FCHSD2: variants seen among roughly 807,000 people sequenced by gnomAD.
FCHSD2 encodes the protein FCH and double SH3 domains 2.
A neutral mutation model predicts 108.1 loss-of-function variants in FCHSD2; 38 were observed. The observed-to-expected ratio is 0.35, with a 90% CI of 0.27 to 0.46. FCHSD2 has a LOEUF of 0.46. Ranked by LOEUF, FCHSD2 falls within the 20% of genes least tolerant of loss-of-function variation. The pLI is 1.00. For missense variants in FCHSD2, 751 were observed against 897.8 expected (o/e 0.84, Z 2.09); for synonymous variants, 279 against 314.7 (o/e 0.89, Z 1.20).
Position 73,107,296 on chromosome 11 carries a change from G to A in FCHSD2, c.120-23556C>T, listed in dbSNP as rs529601805. On this transcript the variant is annotated intron_variant, in intron 2 of 19. Transcript: ENST00000409418. ...TCGATCTGACCTTGTGATCTGCCCA[G>A]CTCGGCCTCCCAAAGTGCTGAGATT... Among the ~76,000 whole-genome samples, 8 of 152,190 alleles carry A rather than the reference G, an allele frequency of 5.3e-5. No individual in the cohort carries two copies. The East Asian group carries it at 1.3e-3, about 26-fold the overall frequency.
At chr11:72,916,503 T>G (rs1335234021) in intron 9 of FCHSD2, among the ~76,000 whole-genome samples, 1 of 152,122 alleles carries the variant, frequency 6.6e-6, no homozygotes, top group East Asian at 1.9e-4. Flanking sequence ...TTTGTAGAGA[T>G]AGGGTCTTGC....
At chr11:73,015,368 A>T (rs1404003441) in intron 4 of FCHSD2, among the ~76,000 whole-genome samples, 1 of 152,202 alleles carries the variant, frequency 6.6e-6, no homozygotes, top group Non-Finnish European at 1.5e-5. Flanking sequence ...TACATTAGAA[A>T]GTTTCCCCCC....
At chr11:73,061,456 G>A (rs1378551023) in intron 3 of FCHSD2, among the ~76,000 whole-genome samples, 1 of 152,190 alleles carries the variant, frequency 6.6e-6, no homozygotes, top group Non-Finnish European at 1.5e-5. Context: ...CAGTGAGACA[G>A]AACGATTCAC....
chr11:72,845,437 CAAAA>C (rs755929012), intron 14 of FCHSD2, among the ~76,000 whole-genome samples: 4 of 81,984 alleles, frequency 4.9e-5, no homozygotes, highest in Admixed American at 4.0e-4. Flanking sequence ...GACCCTGTCT[CAAAA>C]AAAAAAAAAA....
chr11:72,849,672 G>T, intron 14 of FCHSD2, 83 bp downstream of exon 14: 3 of 1,089,908 alleles, frequency 2.8e-6, no homozygotes, highest in Non-Finnish European at 4.1e-6. Flanking sequence ...GCTAAGTACA[G>T]CTTGAGAGAC....
chr11:73,028,650 A>C (rs1475988824), intron 3 of FCHSD2, among the ~76,000 whole-genome samples: 1 of 152,164 alleles, frequency 6.6e-6, no homozygotes, highest in Non-Finnish European at 1.5e-5. Context: ...TGGGTGGGCC[A>C]GGGGTGGAAT....
intron 5 of FCHSD2, among the ~76,000 whole-genome samples, chr11:72,997,846 A>G (rs552160511): frequency 4.6e-5 from 7 of 152,278 alleles, no homozygotes; most frequent in African/African-American, 1.7e-4. Context: ...GACTGCAGGC[A>G]TGAACCACCA....
intron 8 of FCHSD2, among the ~76,000 whole-genome samples, chr11:72,947,169 T>C (rs1471509526): frequency 2.0e-5 from 3 of 152,218 alleles, no homozygotes; most frequent in Non-Finnish European, 2.9e-5. Flanking sequence ...CATTTTCCAA[T>C]ATATCTTATT....
At chr11:73,003,968 G>C (rs994850788) in intron 4 of FCHSD2, among the ~76,000 whole-genome samples, 1 of 151,200 alleles carries the variant, frequency 6.6e-6, no homozygotes, top group African/African-American at 2.4e-5. Context: ...TTAGCCAGGC[G>C]TTGTGGCTGG....
At chr11:72,957,911 T>A (rs1023945628) in intron 8 of FCHSD2, among the ~76,000 whole-genome samples, 1 of 152,140 alleles carries the variant, frequency 6.6e-6, no homozygotes, top group African/African-American at 2.4e-5. Flanking sequence ...TTCTTGCAAT[T>A]TTTCTACAAG....
chr11:73,076,014 G>A (rs1164994456), intron 3 of FCHSD2, among the ~76,000 whole-genome samples: 1 of 152,024 alleles, frequency 6.6e-6, no homozygotes, highest in Admixed American at 6.6e-5. Context: ...AGCTACTTGG[G>A]AGTCTGACAT....
intron 2 of FCHSD2, among the ~76,000 whole-genome samples, chr11:73,107,613 C>A (rs1860377006): frequency 1.3e-5 from 2 of 152,216 alleles, no homozygotes; most frequent in African/African-American, 4.8e-5. Flanking sequence ...CCTTCCCAGC[C>A]TCCAGTAAAC....
chr11:73,006,313 T>C (rs970148504), intron 4 of FCHSD2, among the ~76,000 whole-genome samples: 1 of 152,134 alleles, frequency 6.6e-6, no homozygotes. Flanking sequence ...ACCTAACATG[T>C]ACAAAACTAA....
At chr11:72,839,981 G>A (rs1428865614) in intron 19 of FCHSD2, among the ~76,000 whole-genome samples, 2 of 152,198 alleles carry the variant, frequency 1.3e-5, no homozygotes, top group African/African-American at 4.8e-5. Context: ...CAGAGAGGAA[G>A]AAAGCAAACG....
chr11:72,924,342 A>T (rs1233368478), intron 8 of FCHSD2, among the ~76,000 whole-genome samples: 1 of 151,636 alleles, frequency 6.6e-6, no homozygotes, highest in Non-Finnish European at 1.5e-5. Context: ...CAGTGGCATG[A>T]TCTCGGCTCA....
chr11:72,876,305 C>T (rs117395638), intron 12 of FCHSD2, among the ~76,000 whole-genome samples: 418 of 152,234 alleles, frequency 2.7e-3, no homozygotes, highest in Non-Finnish European at 2.9e-3. Context: ...GCCTGCGAGA[C>T]AGAGTGAGAT....
intron 8 of FCHSD2, among the ~76,000 whole-genome samples, chr11:72,982,840 A>C (rs1016850304): frequency 2.0e-5 from 3 of 152,188 alleles, no homozygotes; most frequent in African/African-American, 7.2e-5. Flanking sequence ...AACGTAATGA[A>C]ATTTTTTAAA....
chr11:72,956,215 T>C (rs1363713925), intron 8 of FCHSD2, among the ~76,000 whole-genome samples: 3 of 152,066 alleles, frequency 2.0e-5, no homozygotes, highest in African/African-American at 7.2e-5. Context: ...TATAAATAAA[T>C]AAACAAGCAC....
At position 73,016,967 on chromosome 11, in the gene FCHSD2, T is replaced by C. The variant is rs773432009; in HGVS notation, c.166-1082A>G. Among the ~76,000 whole-genome samples the C allele has an allele frequency of 2.0e-4, 31 of 152,154 alleles. 1 individual carries two copies. The highest frequency in any genetic ancestry group is 8.8e-5 in the Non-Finnish European group (6 of 68,016). The stretch of plus-strand genomic sequence containing the variant: ...ATTATACAATGTATTATGTTTGTTT[T>C]TTTGCTTGTTTGTTTTCGTTCGTTT... On this transcript the variant is annotated intron_variant, in intron 3 of 19. Transcript: ENST00000409418.
Sources: allele counts gnomAD v4.1 joint callset (sites outside exome capture counted in the v4.1 genomes callset), GRCh38; gene constraint gnomAD v4.1.1; transcripts MANE v1.5; gene names NCBI Gene and HGNC (gene_info 2026-07-23, HGNC 2026-07-21).